The following SUGP2 variants were observed in gnomAD, a reference collection of about 807,000 sequenced individuals.
SUGP2 encodes the protein SURP and G-patch domain containing 2.
A neutral mutation model predicts 90.5 loss-of-function variants in SUGP2; 24 were observed. The ratio of observed to expected loss-of-function variants is 0.27; its 90% CI spans 0.19 to 0.37. The LOEUF (loss-of-function observed/expected upper bound fraction) is 0.37, where lower values mean the gene tolerates loss of function less well. Ranked by LOEUF, SUGP2 falls within the 10% of genes least tolerant of loss-of-function variation. The pLI is 1.00. For synonymous variants in SUGP2, 473 were observed against 513.4 expected, an observed-to-expected ratio of 0.92 and a Z score of 1.06; for missense variants, 1,233 against 1,363.3, an observed-to-expected ratio of 0.90 and a Z score of 1.51.
At chr19:19,018,686 C>CAAAAAA (rs55923416) in intron 4 of SUGP2, among the ~76,000 whole-genome samples, 6 of 85,898 alleles carry the variant, frequency 7.0e-5, no homozygotes, top group East Asian at 3.3e-4. Context: ...GGCTCCGTCT[C>CAAAAAA]AAAAAAAAAA....
intron 8 of SUGP2, among the ~76,000 whole-genome samples, chr19:18,996,379 C>A (rs1422154150): frequency 6.6e-6 from 1 of 152,072 alleles, no homozygotes; most frequent in Non-Finnish European, 1.5e-5. Flanking sequence ...CTGGGCAACA[C>A]AATGAGACTG....
intron 4 of SUGP2, among the ~76,000 whole-genome samples, chr19:19,015,851 C>A (rs909448569): frequency 1.3e-5 from 2 of 152,166 alleles, no homozygotes; most frequent in Non-Finnish European, 2.9e-5. Flanking sequence ...GTCTCTGGGA[C>A]CAACTCCTAA....
chr19:19,024,662 C>G lies in SUGP2; in HGVS notation c.1686G>C (p.Thr562=). ...GAGCCTTGGCCTGAATTTCAGGTTT[C>G]GTAGGAGGAATCATTTTCTCCTCCT... ...MREEEKMIPP[T]KPEIQAKAPS... Residue 562 remains threonine, a synonymous_variant, in exon 3 of 11, where the codon ACG becomes ACC. Coordinates refer to ENST00000452918, the MANE Select transcript of SUGP2 (RefSeq NM_001017392.5). 1 of 1,614,140 alleles carries G rather than the reference C, an allele frequency of 6.2e-7. No homozygotes were observed. The highest frequency in any genetic ancestry group is 8.5e-7 in the Non-Finnish European group (1 of 1,180,024).
intron 4 of SUGP2, among the ~76,000 whole-genome samples, chr19:19,011,638 T>C (rs1302495858): frequency 6.6e-6 from 1 of 152,232 alleles, no homozygotes; most frequent in Admixed American, 6.5e-5. Flanking sequence ...GTTTGCTGTA[T>C]TGGCATAATG....
rs1192572783 is a variant in SUGP2 at position 18,993,083 on chromosome 19, G to C, written c.*658C>G. ...GATTCTAAAGAGACATGTAAATCTG[G>C]GGCCGATTTCATCTGTTTAATGATT... On this transcript the variant is annotated 3_prime_UTR_variant, in exon 11 of 11. Transcript: ENST00000452918. 1 of 152,088 alleles carries C rather than the reference G, an allele frequency of 6.6e-6. No homozygotes were observed. The highest frequency in any genetic ancestry group is 1.9e-4 in the East Asian group (1 of 5,192). 9.4% of individuals were successfully genotyped at this position (152,088 alleles called of 1,614,324 possible).
Position 19,019,141 on chromosome 19 carries a change from C to G in SUGP2, c.1818G>C (p.Glu606Asp). 1 of 1,614,140 alleles carries G rather than the reference C, an allele frequency of 6.2e-7. No individual in the cohort carries two copies. The highest frequency in any genetic ancestry group is 1.3e-5 in the African/African-American group (1 of 75,074). The part of the protein sequence containing the change: ...RVIEGSLSPK[E>D]RTLLKEDPAY... ...CAGGGTCCTCTTTGAGAAGAGTTCT[C>G]TCTTTGGGAGACAGGCTGCCTTCGA... Residue 606 changes from glutamate to aspartate, a missense_variant, in exon 4 of 11, where the codon GAG (glutamate) becomes GAC (aspartate). Around this residue, in one of 8 missense-constraint regions of SUGP2, gnomAD observed 540 missense variants for 542.6 expected, o/e 1.00. Transcript: ENST00000452918.
chr19:19,028,691 G>A (rs899300242), intron 2 of SUGP2, among the ~76,000 whole-genome samples: 2 of 152,062 alleles, frequency 1.3e-5, no homozygotes, highest in Non-Finnish European at 2.9e-5. Flanking sequence ...TCCCACCCAC[G>A]GCCCCCTAAT....
At position 19,030,467 on chromosome 19, in the gene SUGP2, T is replaced by C. The variant is rs190542726; in HGVS notation, c.121+484A>G. ...AGGCGGAGGTTGCAGTGAGCCAAGATCCCTCCATTGCCCTCCAGCCTGGGA... is the reference window on the plus strand; with the variant it reads ...AGGCGGAGGTTGCAGTGAGCCAAGACCCCTCCATTGCCCTCCAGCCTGGGA... On this transcript the variant is annotated intron_variant, in intron 2 of 10. Transcript: ENST00000452918. Among the ~76,000 whole-genome samples the C allele has an allele frequency of 5.3e-3, 807 of 151,994 alleles. 11 individuals carry two copies. The highest frequency in any genetic ancestry group is 0.018 in the African/African-American group (766 of 41,438).
intron 8 of SUGP2, among the ~76,000 whole-genome samples, chr19:18,999,734 T>A (rs964630993): frequency 6.6e-6 from 1 of 152,120 alleles, no homozygotes; most frequent in Non-Finnish European, 1.5e-5. Flanking sequence ...CTCCCCGCCC[T>A]CCTCCCTGAC....
Position 19,004,610 on chromosome 19 carries a change from G to T in SUGP2, c.2487C>A (p.Phe829Leu). The T allele has an allele frequency of 6.2e-7, 1 of 1,612,486 alleles. No individual in the cohort carries two copies. The highest frequency in any genetic ancestry group is 8.5e-7 in the Non-Finnish European group (1 of 1,178,958). ...ATAGTTCAAACACTTTCTTTCGATA[G>T]AATTTGAAAGCAGAACTATTTTGGT... The part of the protein sequence containing the change: ...LHDQNSSAFK[F>L]YRKKVFELCP... Residue 829 changes from phenylalanine to leucine, a missense_variant, in exon 7 of 11, where the codon TTC (phenylalanine) becomes TTA (leucine). Around this residue, in one of 8 missense-constraint regions of SUGP2, gnomAD observed 540 missense variants for 542.6 expected, o/e 1.00. Transcript: ENST00000452918.
intron 4 of SUGP2, 127 bp from the exon 5 acceptor site, chr19:19,010,469 G>A: frequency 7.5e-7 from 1 of 1,330,700 alleles, no homozygotes; most frequent in Middle Eastern, 2.2e-4. Flanking sequence ...CAGAGGCTCT[G>A]CCTGGCTCTA....
At chr19:19,033,163 C>T in intron 1 of SUGP2, 1 of 197,406 alleles carries the variant, frequency 5.1e-6, no homozygotes, top group Non-Finnish European at 9.6e-6. Context: ...GGGGCCGCTC[C>T]GAGTTCGGGA....
intron 6 of SUGP2, among the ~76,000 whole-genome samples, chr19:19,005,195 A>G (rs1310264462): frequency 1.3e-5 from 2 of 152,156 alleles, no homozygotes; most frequent in Non-Finnish European, 2.9e-5. Context: ...TCTGTGCCTC[A>G]GGGGTCTGGT....
rs749472714 is a variant in SUGP2, at chr19:19,026,171, G to A, written c.177C>T (p.Ser59=). The A allele has an allele frequency of 3.1e-5, 50 of 1,612,860 alleles. 1 individual carries two copies. In the Admixed American group the frequency reaches 4.8e-4, roughly 16 times the overall value. Residue 59 remains serine (S), a synonymous_variant, in exon 3 of 11, where the codon AGC becomes AGT. Transcript: ENST00000452918. ...SRAEMYDDVH[S]DGRYSLSGSV... ...ATCCACTGAGGGAGTATCTGCCATC[G>A]CTGTGGACGTCATCATACATCTCTG...
intron 4 of SUGP2, among the ~76,000 whole-genome samples, chr19:19,015,511 CT>C (rs1310803096): frequency 1.3e-5 from 2 of 151,700 alleles, no homozygotes; most frequent in Admixed American, 6.6e-5. Context: ...AATTCCTTCT[CT>C]TTTTTTTGAG....
At chr19:19,032,849 C>T (rs2059232064) in intron 1 of SUGP2, among the ~76,000 whole-genome samples, 1 of 152,216 alleles carries the variant, frequency 6.6e-6, no homozygotes, top group Non-Finnish European at 1.5e-5. Flanking sequence ...CGCAAAACCT[C>T]CAACTTCAAG....
chr19:19,020,825 G>T (rs2058697280), intron 3 of SUGP2, among the ~76,000 whole-genome samples: 1 of 151,942 alleles, frequency 6.6e-6, no homozygotes, highest in Non-Finnish European at 1.5e-5. Flanking sequence ...TCTTCGAATG[G>T]TAAGATTGTT....
chr19:19,008,134 C>A (rs1183092362), intron 6 of SUGP2, among the ~76,000 whole-genome samples, 183 bp downstream of exon 6: 1 of 152,078 alleles, frequency 6.6e-6, no homozygotes, highest in Non-Finnish European at 1.5e-5. Flanking sequence ...GGCGTGAACA[C>A]ACTCAAATCT....
At chr19:18,996,283 C>T (rs1280083547) in intron 8 of SUGP2, among the ~76,000 whole-genome samples, 3 of 152,198 alleles carry the variant, frequency 2.0e-5, no homozygotes, top group Non-Finnish European at 2.9e-5. Flanking sequence ...GTAATCCCAG[C>T]TACTTGTGAG....
Sources: allele counts gnomAD v4.1 joint callset (sites outside exome capture counted in the v4.1 genomes callset), GRCh38; gene constraint gnomAD v4.1.1; regional missense constraint gnomAD v4.1.1; transcripts MANE v1.5; gene names NCBI Gene and HGNC (gene_info 2026-07-23, HGNC 2026-07-21).